IL1RAPL2: variants seen among roughly 807,000 people sequenced by gnomAD.
IL1RAPL2 encodes the protein X-linked interleukin-1 receptor accessory protein-like 2.
Under a neutral mutation model 44.1 loss-of-function variants are expected in IL1RAPL2, and 3 were observed. The observed-to-expected ratio is 0.07, with a 90% CI of 0.03 to 0.18. The LOEUF (loss-of-function observed/expected upper bound fraction) is 0.18. IL1RAPL2 is among the 10% of genes least tolerant of loss of function. IL1RAPL2 has a pLI of 1.00. For missense variants in IL1RAPL2, 391 were observed against 496.4 expected (o/e 0.79, Z 2.02); for synonymous variants, 181 against 178.8 (o/e 1.01, Z -0.10).
chrX:104,568,461 G>A (rs1302153520), intron 1 of IL1RAPL2, among the ~76,000 whole-genome samples: 2 of 111,640 alleles, frequency 1.8e-5, no homozygotes, highest in African/African-American at 6.5e-5. Flanking sequence ...CCACCCCACC[G>A]CAGCAGCCGA....
rs1015845641 is a variant in IL1RAPL2, at chrX:105,205,432, C to A, written c.356+9684C>A. Among the ~76,000 whole-genome samples the A allele has an allele frequency of 4.3e-4, 45 of 104,802 alleles. 1 individual carries two copies. In the Admixed American group the frequency reaches 4.6e-3, roughly 11 times the overall value. 91.0% of individuals were successfully genotyped at this position (104,802 alleles called of 115,157 possible). ...GGTGTAACCCCTGTCTCTACTAAAA[C>A]TACAAAAATTAGCCAGGTGTGGTAG... On this transcript the variant is annotated intron_variant, in intron 3 of 10. Transcript: ENST00000372582.
At chrX:104,852,136 T>C (rs1056419222) in intron 2 of IL1RAPL2, among the ~76,000 whole-genome samples, 11 of 111,325 alleles carry the variant, frequency 9.9e-5, no homozygotes, top group Non-Finnish European at 1.9e-4. Flanking sequence ...AACCAAATAA[T>C]GAACTGGGAG....
intron 2 of IL1RAPL2, among the ~76,000 whole-genome samples, chrX:104,682,481 T>G (rs915761302): frequency 8.9e-6 from 1 of 112,424 alleles, no homozygotes; most frequent in African/African-American, 3.2e-5. Flanking sequence ...AATGGAATAT[T>G]AGCTTTTGAA....
chrX:105,066,481 T>C (rs2032139153), intron 2 of IL1RAPL2, among the ~76,000 whole-genome samples: 1 of 111,338 alleles, frequency 9.0e-6, no homozygotes, highest in African/African-American at 3.3e-5. Context: ...GAGAAGTGTA[T>C]TTTGTCAGTT....
chrX:105,162,551 G>A (rs1288394298), intron 2 of IL1RAPL2, among the ~76,000 whole-genome samples: 4 of 111,909 alleles, frequency 3.6e-5, no homozygotes, highest in African/African-American at 9.7e-5. Flanking sequence ...ATCATTTCAT[G>A]TAACTGAATT....
chrX:104,941,054 A>G (rs767379744), intron 2 of IL1RAPL2, among the ~76,000 whole-genome samples: 1 of 110,660 alleles, frequency 9.0e-6, no homozygotes, highest in African/African-American at 3.3e-5. Context: ...ATGGCTGCAT[A>G]GTAATCCATG....
chrX:104,589,709 T>A (rs531091108), intron 1 of IL1RAPL2, among the ~76,000 whole-genome samples: 41 of 112,078 alleles, frequency 3.7e-4, no homozygotes, highest in Middle Eastern at 4.6e-3. Context: ...GGGATTTGTA[T>A]AATTGTTAGT....
chrX:105,181,330 C>T (rs782573239), intron 2 of IL1RAPL2, among the ~76,000 whole-genome samples: 12 of 111,627 alleles, frequency 1.1e-4, no homozygotes, highest in Non-Finnish European at 2.3e-4. Flanking sequence ...TAGTTCTGTT[C>T]TGATCTTTTT....
chrX:105,653,177 A>C (rs2037653195), intron 6 of IL1RAPL2, among the ~76,000 whole-genome samples: 1 of 111,866 alleles, frequency 8.9e-6, no homozygotes, highest in Admixed American at 9.5e-5. Flanking sequence ...ATAGCTTCTG[A>C]AATCCCTAAA....
chrX:104,940,930 A>G (rs1925154031), intron 2 of IL1RAPL2, among the ~76,000 whole-genome samples: 1 of 88,930 alleles, frequency 1.1e-5, no homozygotes, highest in Non-Finnish European at 2.1e-5. Context: ...CCTGTGTCCA[A>G]GTGTTCTCAT....
At chrX:105,303,862 CCTCTGA>C (rs1371551997) in intron 5 of IL1RAPL2, among the ~76,000 whole-genome samples, 2 of 112,731 alleles carry the variant, frequency 1.8e-5, no homozygotes, top group South Asian at 3.6e-4. Context: ...GGTCACAAGA[CCTCTGA>C]AGAGGCCAAC....
intron 5 of IL1RAPL2, among the ~76,000 whole-genome samples, chrX:105,295,841 A>G (rs983134302): frequency 9.0e-6 from 1 of 111,362 alleles, no homozygotes; most frequent in East Asian, 2.8e-4. Flanking sequence ...AGCTTGCATG[A>G]TTGATTTGAA....
intron 2 of IL1RAPL2, among the ~76,000 whole-genome samples, chrX:105,078,732 C>T (rs1242329423): frequency 5.3e-5 from 5 of 94,493 alleles, no homozygotes; most frequent in South Asian, 9.5e-4. Context: ...CTGAGCAATG[C>T]GGTCGCCCCT....
At chrX:104,658,659 T>C (rs1044979154) in intron 1 of IL1RAPL2, among the ~76,000 whole-genome samples, 1 of 110,974 alleles carries the variant, frequency 9.0e-6, no homozygotes, top group African/African-American at 3.3e-5. Flanking sequence ...ATGGAAGGAG[T>C]TCAGATTTCA....
intron 2 of IL1RAPL2, among the ~76,000 whole-genome samples, chrX:105,031,729 G>C (rs765452811): frequency 8.9e-6 from 1 of 111,736 alleles, no homozygotes; most frequent in Non-Finnish European, 1.9e-5. Flanking sequence ...TCTCTGCCAG[G>C]CTTTGGTATC....
intron 2 of IL1RAPL2, among the ~76,000 whole-genome samples, chrX:104,864,256 G>A (rs916199378): frequency 8.9e-6 from 1 of 112,111 alleles, no homozygotes; most frequent in Non-Finnish European, 1.9e-5. Context: ...CAAGCAAAAA[G>A]TAAAAGAGCC....
chrX:104,644,174 G>T (rs1271424636), intron 1 of IL1RAPL2, among the ~76,000 whole-genome samples: 4 of 111,461 alleles, frequency 3.6e-5, no homozygotes, highest in Non-Finnish European at 7.5e-5. Context: ...ACATATTAAA[G>T]TCATAGAAAA....
intron 5 of IL1RAPL2, among the ~76,000 whole-genome samples, chrX:105,369,478 G>A (rs988116925): frequency 1.8e-5 from 2 of 111,272 alleles, no homozygotes; most frequent in Non-Finnish European, 3.8e-5. Flanking sequence ...AGCTGGAGAG[G>A]TTGGGGTGTT....
intron 5 of IL1RAPL2, among the ~76,000 whole-genome samples, chrX:105,387,466 C>T (rs1362349492): frequency 9.1e-6 from 1 of 110,275 alleles, no homozygotes; most frequent in African/African-American, 3.3e-5. Context: ...AACTCTTGAC[C>T]TGGTGATCCA....
Sources: allele counts gnomAD v4.1 joint callset (sites outside exome capture counted in the v4.1 genomes callset), GRCh38; gene constraint gnomAD v4.1.1; transcripts MANE v1.5; gene names NCBI Gene and HGNC (gene_info 2026-07-23, HGNC 2026-07-21).